The following PXDNL variants were observed in gnomAD, a reference collection of about 807,000 sequenced individuals.
PXDNL encodes probable oxidoreductase PXDNL.
Under a neutral mutation model 150.8 loss-of-function variants are expected in PXDNL, and 145 were observed. The observed-to-expected ratio is 0.96, with a 90% CI of 0.84 to 1.10. PXDNL has a LOEUF of 1.10. Among genes scored for constraint, PXDNL ranks in the 50% least tolerant of loss-of-function variants. The pLI is 0.00. For missense variants in PXDNL, 2,087 were observed against 1,873.9 expected (o/e 1.11, Z -2.10); for synonymous variants, 757 against 725.7 (o/e 1.04, Z -0.69).
intron 1 of PXDNL, among the ~76,000 whole-genome samples, chr8:51,758,299 T>C (rs1053223825): frequency 1.3e-5 from 2 of 152,240 alleles, no homozygotes; most frequent in African/African-American, 4.8e-5. Flanking sequence ...AATTGTCTAA[T>C]ATTCCTTAGC....
At chr8:51,807,282 T>C (rs2037687808) in intron 1 of PXDNL, among the ~76,000 whole-genome samples, 1 of 152,138 alleles carries the variant, frequency 6.6e-6, no homozygotes, top group South Asian at 2.1e-4. Context: ...GAGTGAGAAC[T>C]TCACATGGCC....
At chr8:51,700,562 AT>A (rs1179706085) in intron 1 of PXDNL, among the ~76,000 whole-genome samples, 1 of 106,684 alleles carries the variant, frequency 9.4e-6, no homozygotes, top group East Asian at 3.0e-4. Context: ...ATACATACAC[AT>A]TTACATATAT....
At chr8:51,447,746 A>G (rs1228903542) in intron 11 of PXDNL, among the ~76,000 whole-genome samples, 1 of 152,216 alleles carries the variant, frequency 6.6e-6, no homozygotes, top group Non-Finnish European at 1.5e-5. Flanking sequence ...ATAATTTTCA[A>G]CTAGTTCAGT....
intron 1 of PXDNL, among the ~76,000 whole-genome samples, chr8:51,788,449 A>C (rs941817028): frequency 1.2e-4 from 19 of 152,238 alleles, no homozygotes; most frequent in African/African-American, 1.9e-4. Context: ...AGAGACAGTA[A>C]TCATTCCAGC....
chr8:51,566,995 A>T (rs982766408), intron 3 of PXDNL, among the ~76,000 whole-genome samples: 1 of 151,772 alleles, frequency 6.6e-6, no homozygotes, highest in African/African-American at 2.4e-5. Context: ...ACTTTTATTC[A>T]GTTCAAAATA....
chr8:51,371,407 T>C (rs1201163494), intron 19 of PXDNL, among the ~76,000 whole-genome samples: 1 of 152,220 alleles, frequency 6.6e-6, no homozygotes, highest in African/African-American at 2.4e-5. Flanking sequence ...TGTTGTGTCA[T>C]TAGGGAAAGT....
intron 19 of PXDNL, among the ~76,000 whole-genome samples, chr8:51,350,445 C>T (rs180732678): frequency 2.4e-4 from 35 of 146,154 alleles, no homozygotes; most frequent in African/African-American, 6.6e-4. Context: ...CTGCAACCTC[C>T]GCCTCCCAGG....
intron 2 of PXDNL, among the ~76,000 whole-genome samples, chr8:51,638,753 G>T (rs897908626): frequency 9.2e-5 from 14 of 152,054 alleles, no homozygotes; most frequent in African/African-American, 3.4e-4. Flanking sequence ...ATAATAATGG[G>T]AGACTTTAAC....
chr8:51,458,403 C>A (rs1809985324), intron 8 of PXDNL, among the ~76,000 whole-genome samples: 1 of 150,914 alleles, frequency 6.6e-6, no homozygotes. Context: ...GAAATGTTTA[C>A]AGATTTTTTT....
At chr8:51,462,188 C>G (rs1391496292) in intron 8 of PXDNL, among the ~76,000 whole-genome samples, 1 of 151,392 alleles carries the variant, frequency 6.6e-6, no homozygotes, top group Non-Finnish European at 1.5e-5. Flanking sequence ...TAAAGGAACA[C>G]CAGCCCTCTC....
chr8:51,507,380 T>C (rs762337012), intron 4 of PXDNL, among the ~76,000 whole-genome samples: 18 of 152,094 alleles, frequency 1.2e-4, no homozygotes, highest in Non-Finnish European at 2.5e-4. Context: ...TGCAGAGATA[T>C]GAAAATGCAG....
chr8:51,422,713 T>C (rs951483077), intron 14 of PXDNL, among the ~76,000 whole-genome samples: 1 of 152,310 alleles, frequency 6.6e-6, no homozygotes, highest in Non-Finnish European at 1.5e-5. Context: ...CTAAACTCAT[T>C]TATTTCAACT....
chr8:51,435,163 CA>C (rs542676070), intron 12 of PXDNL, among the ~76,000 whole-genome samples: 149 of 151,708 alleles, frequency 9.8e-4, no homozygotes, highest in African/African-American at 3.6e-3. Flanking sequence ...ACTAAAAACA[CA>C]AAAAAAATTA....
At chr8:51,530,843 A>T (rs942424974) in intron 4 of PXDNL, among the ~76,000 whole-genome samples, 2 of 152,074 alleles carry the variant, frequency 1.3e-5, no homozygotes, top group African/African-American at 4.8e-5. Context: ...GCACATATTA[A>T]TGTGTTCCTT....
chr8:51,539,973 A>G (rs914728227), intron 4 of PXDNL, among the ~76,000 whole-genome samples: 3 of 151,212 alleles, frequency 2.0e-5, no homozygotes, highest in Non-Finnish European at 2.9e-5. Flanking sequence ...CACTCTGTCA[A>G]TCAGGCTGGA....
At chr8:51,605,632 G>A (rs1813823378) in intron 2 of PXDNL, among the ~76,000 whole-genome samples, 1 of 152,128 alleles carries the variant, frequency 6.6e-6, no homozygotes, top group South Asian at 2.1e-4. Flanking sequence ...TTTCCTAAAT[G>A]TAGAATAAAA....
At chr8:51,543,544 C>A (rs1180359085) in intron 4 of PXDNL, among the ~76,000 whole-genome samples, 2 of 151,630 alleles carry the variant, frequency 1.3e-5, no homozygotes, top group Non-Finnish European at 2.9e-5. Flanking sequence ...AACCCCTTCT[C>A]TACTAAAAAT....
intron 1 of PXDNL, among the ~76,000 whole-genome samples, chr8:51,808,281 A>G (rs1007576267): frequency 1.3e-5 from 2 of 152,186 alleles, no homozygotes; most frequent in Non-Finnish European, 2.9e-5. Context: ...CCCACAAAAT[A>G]TTTATTATAG....
At chr8:51,322,054 A>T (rs1336145474) in intron 21 of PXDNL, among the ~76,000 whole-genome samples, 1 of 152,190 alleles carries the variant, frequency 6.6e-6, no homozygotes, top group Non-Finnish European at 1.5e-5. Flanking sequence ...GTGCTCACAC[A>T]GCGAAGGCCA....
Sources: gnomAD v4.1 joint callset for allele counts (sites outside exome capture counted in the v4.1 genomes callset) on GRCh38, gnomAD v4.1.1 for gene constraint, MANE v1.5 for transcripts, NCBI Gene and HGNC (gene_info 2026-07-23, HGNC 2026-07-21) for gene names.